SSBP2: variants seen among roughly 807,000 people sequenced by gnomAD.
SSBP2 encodes single-stranded DNA-binding protein 2.
In SSBP2, 17 loss-of-function variants were observed where a neutral mutation model predicts 61.8. The ratio of observed to expected loss-of-function variants is 0.28; its 90% CI spans 0.19 to 0.41. The LOEUF is 0.41. Among genes scored for constraint, SSBP2 ranks in the 10% least tolerant of loss-of-function variants. The pLI, the probability that SSBP2 is intolerant of heterozygous loss-of-function variation, is 1.00. For missense variants in SSBP2, 310 were observed against 458.7 expected (o/e 0.68, Z 2.96); for synonymous variants, 139 against 141.3 (o/e 0.98, Z 0.12).
At chr5:81,598,029 TAATAA>T (rs1743967206) in intron 4 of SSBP2, among the ~76,000 whole-genome samples, 1 of 151,062 alleles carries the variant, frequency 6.6e-6, no homozygotes, top group South Asian at 2.1e-4. Flanking sequence ...AAAATAATAA[TAATAA>T]AATAAATTTA....
intron 4 of SSBP2, among the ~76,000 whole-genome samples, chr5:81,528,081 G>A (rs1000866417): frequency 2.0e-5 from 3 of 151,834 alleles, no homozygotes; most frequent in South Asian, 4.2e-4. Context: ...GGTACCTACC[G>A]TATTATATTG....
intron 1 of SSBP2, among the ~76,000 whole-genome samples, chr5:81,748,649 T>C (rs1581474440): frequency 6.6e-6 from 1 of 152,316 alleles, no homozygotes; most frequent in South Asian, 2.1e-4. Context: ...TATATTTAAG[T>C]TCATAAGGCA....
intron 4 of SSBP2, among the ~76,000 whole-genome samples, chr5:81,594,865 C>A (rs1250057963): frequency 1.3e-5 from 2 of 152,058 alleles, no homozygotes; most frequent in Non-Finnish European, 2.9e-5. Flanking sequence ...AAATTTATAG[C>A]ACTAAATGCC....
At chr5:81,630,532 TA>T (rs1194982904) in intron 3 of SSBP2, among the ~76,000 whole-genome samples, 1 of 152,030 alleles carries the variant, frequency 6.6e-6, no homozygotes, top group African/African-American at 2.4e-5. Flanking sequence ...TATAAAACAT[TA>T]AAAAACTGTA....
Position 81,445,595 on chromosome 5 carries a change from T to G in SSBP2, c.778+1273A>C, listed in dbSNP as rs562274367. Among the ~76,000 whole-genome samples the G allele has an allele frequency of 6.9e-4, 105 of 152,194 alleles. 1 individual carries two copies. The highest frequency in any genetic ancestry group is 1.3e-3 in the Non-Finnish European group (86 of 67,988). On this transcript the variant is annotated intron_variant, in intron 12 of 16. Transcript: ENST00000320672. ...CCTTCAGGACACAGACCATTAAATATCCAAGGAGTTAGTGAAGCAAAGTAA... is the reference window on the plus strand; with the variant it reads ...CCTTCAGGACACAGACCATTAAATAGCCAAGGAGTTAGTGAAGCAAAGTAA...
rs566070748 is a variant in SSBP2 at position 81,508,579 on chromosome 5, A to G, written c.372+5049T>C. On this transcript the variant is annotated intron_variant, in intron 5 of 16. Transcript: ENST00000320672. ...AAAGACACTAAAGACTGCCTTCCAGAATGGATTTATTAAGTGTACCAAGTT... is the reference window on the plus strand; with the variant it reads ...AAAGACACTAAAGACTGCCTTCCAGGATGGATTTATTAAGTGTACCAAGTT... Among the ~76,000 whole-genome samples the G allele has an allele frequency of 4.6e-5, 7 of 152,316 alleles. No homozygotes were observed. In the East Asian group the frequency reaches 1.3e-3, roughly 29 times the overall value.
chr5:81,660,624 A>G (rs1750602038), intron 1 of SSBP2, among the ~76,000 whole-genome samples: 1 of 151,328 alleles, frequency 6.6e-6, no homozygotes, highest in African/African-American at 2.5e-5. Context: ...CTAGAACCAG[A>G]AATACCATGT....
intron 1 of SSBP2, among the ~76,000 whole-genome samples, chr5:81,713,505 A>G (rs1382604730): frequency 1.3e-5 from 2 of 152,222 alleles, no homozygotes; most frequent in Non-Finnish European, 2.9e-5. Context: ...ATTCCAAATC[A>G]CTGCAGGGTT....
At chr5:81,686,795 C>T (rs1013240784) in intron 1 of SSBP2, among the ~76,000 whole-genome samples, 11 of 142,412 alleles carry the variant, frequency 7.7e-5, no homozygotes, top group Admixed American at 4.5e-4. Flanking sequence ...GTGAAGGTTG[C>T]GGTGAGCCAA....
At chr5:81,527,810 G>T (rs1434545869) in intron 4 of SSBP2, among the ~76,000 whole-genome samples, 1 of 151,168 alleles carries the variant, frequency 6.6e-6, no homozygotes, top group Non-Finnish European at 1.5e-5. Context: ...CCTAAATGAT[G>T]GGTTGGTAAG....
At chr5:81,439,513 T>TC (rs935861535) in intron 14 of SSBP2, among the ~76,000 whole-genome samples, 4 of 151,262 alleles carry the variant, frequency 2.6e-5, no homozygotes, top group African/African-American at 7.3e-5. Flanking sequence ...TTTTTCTTTT[T>TC]TTTTTTTGAG....
At chr5:81,545,852 G>C (rs1231002302) in intron 4 of SSBP2, among the ~76,000 whole-genome samples, 2 of 152,168 alleles carry the variant, frequency 1.3e-5, no homozygotes, top group Admixed American at 1.3e-4. Flanking sequence ...AAGGCAGAGA[G>C]AGTATTTTAG....
intron 12 of SSBP2, among the ~76,000 whole-genome samples, chr5:81,445,036 T>C (rs1008055423): frequency 6.7e-6 from 1 of 150,204 alleles, no homozygotes; most frequent in Non-Finnish European, 1.5e-5. Flanking sequence ...AGCAGGAGAA[T>C]TGCTTGAATC....
At chr5:81,435,926 G>A (rs1214403350) in intron 15 of SSBP2, among the ~76,000 whole-genome samples, 7 of 152,062 alleles carry the variant, frequency 4.6e-5, no homozygotes, top group East Asian at 1.9e-4. Context: ...AGTGGGTCAC[G>A]CCTGTAATCC....
intron 1 of SSBP2, among the ~76,000 whole-genome samples, chr5:81,713,447 A>G (rs1754940546): frequency 6.6e-6 from 1 of 152,108 alleles, no homozygotes; most frequent in African/African-American, 2.4e-5. Flanking sequence ...ATATCACACT[A>G]AAAAAGAAAA....
chr5:81,667,323 ACACACACACG>A (rs1751226237), intron 1 of SSBP2, among the ~76,000 whole-genome samples: 1 of 150,660 alleles, frequency 6.6e-6, no homozygotes, highest in African/African-American at 2.5e-5. Flanking sequence ...ACACACACAC[ACACACACACG>A]CTCCAACAAT....
At chr5:81,485,379 T>C (rs927400611) in intron 6 of SSBP2, among the ~76,000 whole-genome samples, 9 of 152,162 alleles carry the variant, frequency 5.9e-5, no homozygotes, top group African/African-American at 2.2e-4. Context: ...CCCAGTGCTA[T>C]ACATATACAA....
intron 1 of SSBP2, among the ~76,000 whole-genome samples, chr5:81,723,820 A>T (rs1581422989): frequency 2.6e-5 from 4 of 152,040 alleles, no homozygotes; most frequent in Admixed American, 2.6e-4. Context: ...CAGGGACAAT[A>T]TTATAGACTA....
intron 3 of SSBP2, among the ~76,000 whole-genome samples, chr5:81,631,735 T>G (rs949523371): frequency 6.6e-6 from 1 of 152,056 alleles, no homozygotes; most frequent in South Asian, 2.1e-4. Flanking sequence ...ATCATCATCA[T>G]CACCACCACC....
Sources: gnomAD v4.1 joint callset for allele counts (sites outside exome capture counted in the v4.1 genomes callset) on GRCh38, gnomAD v4.1.1 for gene constraint, MANE v1.5 for transcripts, NCBI Gene and HGNC (gene_info 2026-07-23, HGNC 2026-07-21) for gene names.